Variants in NOTCH2NLC observed in about 807,000 individuals in gnomAD.
The protein encoded by NOTCH2NLC is notch 2 N-terminal like C.
A neutral mutation model predicts 17.7 loss-of-function variants in NOTCH2NLC; 4 were observed. The ratio of observed to expected loss-of-function variants is 0.23; its 90% confidence interval spans 0.11 to 0.52. NOTCH2NLC has a LOEUF of 0.52. NOTCH2NLC is among the 20% of genes least tolerant of loss of function. The probability of loss-of-function intolerance (pLI) is 0.96; values close to 1 mark genes in which losing one functional copy is unlikely to be tolerated. For missense variants in NOTCH2NLC, 57 were observed against 207.2 expected, an observed-to-expected ratio of 0.28 and a Z score of 4.45; for synonymous variants, 18 against 86.0, an observed-to-expected ratio of 0.21 and a Z score of 4.38.
intron 3 of NOTCH2NLC, among the ~76,000 whole-genome samples, chr1:149,462,388 G>A (rs1263377137): frequency 7.5e-4 from 101 of 133,782 alleles, no homozygotes; most frequent in African/African-American, 2.6e-3. Flanking sequence ...GAATACCTTC[G>A]AGACCTCTGT....
rs2084674408 is a variant in NOTCH2NLC at position 149,464,674 on chromosome 1, T to C, written c.*521T>C. 6.7e-6 allele frequency: 1 copy of C among 149,290 alleles called. No homozygotes were observed. The highest frequency in any genetic ancestry group is 1.5e-5 in the Non-Finnish European group (1 of 67,258). The allele number at this position is 149,290 out of a possible 1,614,324, so 9.2% of individuals were successfully genotyped here. On this transcript the variant is annotated 3_prime_UTR_variant, in exon 5 of 5. Transcript: ENST00000650865. ...ATGAGGAGGCTGAAAACCAAGAATT[T>C]TGATTGGGAACAGAATACAAGCAGC...
chr1:149,443,654 C>G lies in NOTCH2NLC; in HGVS notation c.210-11664C>G, dbSNP rs1411759365. 2.0e-5 allele frequency among the ~76,000 whole-genome samples: 3 copies of G among 150,050 alleles called. 1 individual carries two copies. The East Asian group carries it at 5.9e-4, about 30-fold the overall frequency. On this transcript the variant is annotated intron_variant, in intron 2 of 4. Transcript: ENST00000650865. ...AAAGCATTTTGGGCTGACTGAACAGCGTGTACAGAGGTCTGGAAGTGAGAA... is the reference window on the plus strand; with the variant it reads ...AAAGCATTTTGGGCTGACTGAACAGGGTGTACAGAGGTCTGGAAGTGAGAA...
rs1176135315 is a variant in NOTCH2NLC, at chr1:149,400,139, AT to A, written c.135+9227del. On this transcript the variant is annotated intron_variant, in intron 1 of 4. Transcript: ENST00000650865. ...ATATATATATATATATATAATATAT[AT>A]TTTTTTTTTAGTTTATGAACAGATC... 4.8e-3 allele frequency among the ~76,000 whole-genome samples: 637 copies of A among 131,946 alleles called. 27 individuals are homozygous for A. The highest frequency in any genetic ancestry group is 0.015 in the African/African-American group (515 of 35,326). 86.6% of individuals were successfully genotyped at this position (131,946 alleles called of 152,430 possible).
intron 1 of NOTCH2NLC, among the ~76,000 whole-genome samples, chr1:149,408,516 T>C (rs2084281868): frequency 6.7e-6 from 1 of 148,494 alleles, no homozygotes; most frequent in Non-Finnish European, 1.5e-5. Flanking sequence ...AATGAGGAAA[T>C]AGAAAATGTT....
rs1237905724 is a variant in NOTCH2NLC at position 149,468,673 on chromosome 1, T to A, written c.*4520T>A. On this transcript the variant is annotated 3_prime_UTR_variant, in exon 5 of 5. Transcript: ENST00000650865. The stretch of plus-strand genomic sequence containing the variant: ...ATATTCTACAATTTTTTAAATGTAC[T>A]GAAATTATTCTTTTTGAATCCTCCT... 1.4e-5 allele frequency among the ~76,000 whole-genome samples: 2 copies of A among 140,880 alleles called. No individual in the cohort carries two copies. Among genetic ancestry groups the A allele is most frequent in the Admixed American group, 1.5e-4 (2 of 13,710 alleles). The allele number at this position is 140,880 out of a possible 152,430, so 92.4% of individuals were successfully genotyped here.
chr1:149,402,324 A>C (rs1226615689), intron 1 of NOTCH2NLC, among the ~76,000 whole-genome samples: 4 of 150,682 alleles, frequency 2.7e-5, no homozygotes, highest in Non-Finnish European at 4.4e-5. Context: ...CAGGTGATCC[A>C]CCCACCTCAG....
At chr1:149,448,865 C>T (rs1349663212) in intron 2 of NOTCH2NLC, among the ~76,000 whole-genome samples, 19 of 144,168 alleles carry the variant, frequency 1.3e-4, no homozygotes, top group African/African-American at 4.8e-4. Flanking sequence ...CCTGCCTCTT[C>T]CATCTACTAG....
chr1:149,410,373 G>T (rs2084292206), intron 1 of NOTCH2NLC, among the ~76,000 whole-genome samples: 2 of 149,706 alleles, frequency 1.3e-5, no homozygotes, highest in East Asian at 2.0e-4. Flanking sequence ...AAAACAGTGT[G>T]TTTTTTTCTA....
At chr1:149,423,441 G>A (rs1158611476) in intron 1 of NOTCH2NLC, among the ~76,000 whole-genome samples, 1 of 150,660 alleles carries the variant, frequency 6.6e-6, no homozygotes, top group Non-Finnish European at 1.5e-5. Flanking sequence ...TGAAATTGCA[G>A]GGCGCTATGA....
chr1:149,402,029 T>G (rs1485127671), intron 1 of NOTCH2NLC, among the ~76,000 whole-genome samples: 2 of 144,856 alleles, frequency 1.4e-5, no homozygotes, highest in African/African-American at 5.1e-5. Context: ...TATACATTGT[T>G]TACCCCTACA....
Position 149,390,827 on chromosome 1 carries a change from G to A in NOTCH2NLC, c.40G>A (p.Gly14Ser). The A allele has an allele frequency of 7.5e-7, 1 of 1,334,726 alleles. No individual in the cohort carries two copies. The highest frequency in any genetic ancestry group is 9.6e-7 in the Non-Finnish European group (1 of 1,044,810). The allele number at this position is 1,334,726 out of a possible 1,614,324, so 82.7% of individuals were successfully genotyped here. The change falls in exon 1 of 5, where the codon GGC becomes AGC. Residue 14 changes from glycine to serine, a missense_variant. This residue lies in a region of NOTCH2NLC where 2 missense variants were observed against 24.0 expected (regional missense o/e 0.08). Transcript: ENST00000650865. ...AGGCGGCGGCGGCGGCGGCGGCGGC[G>A]GCGGAGGAGGCGGCGACCGAGAAGA... is the stretch of plus-strand genomic sequence containing the variant. ...CPGGGGGGGG[G>S]GGGGDREDAR...
intron 2 of NOTCH2NLC, among the ~76,000 whole-genome samples, chr1:149,450,017 TTATC>T (rs1170966507): frequency 6.9e-6 from 1 of 145,698 alleles, no homozygotes; most frequent in Non-Finnish European, 1.5e-5. Context: ...CACATTTTAT[TTATC>T]TGTTCATCAG....
chr1:149,419,818 T>TA (rs1158356306), intron 1 of NOTCH2NLC, among the ~76,000 whole-genome samples: 1 of 137,630 alleles, frequency 7.3e-6, no homozygotes, highest in Non-Finnish European at 1.6e-5. Flanking sequence ...GAGAATAAAA[T>TA]AAATAAAAAT....
In NOTCH2NLC at chr1:149,471,353, G is replaced by T. The variant is rs1356042445; in HGVS notation, c.*7200G>T. On this transcript the variant is annotated 3_prime_UTR_variant, in exon 5 of 5. Coordinates refer to ENST00000650865, the MANE Select transcript of NOTCH2NLC (RefSeq NM_001364013.2). ...TGGAATACAATTTATTTTTTCTTTT[G>T]TTGCTTGTGCTTTCAGTCATATTTG... is the stretch of plus-strand genomic sequence containing the variant. 1.3e-5 allele frequency among the ~76,000 whole-genome samples: 2 copies of T among 148,478 alleles called. No homozygotes were observed. The highest frequency in any genetic ancestry group is 1.5e-5 in the Non-Finnish European group (1 of 66,934).
At chr1:149,462,833 ATTTTTTTTTTT>A (rs878889477) in intron 3 of NOTCH2NLC, among the ~76,000 whole-genome samples, 1 of 117,092 alleles carries the variant, frequency 8.5e-6, no homozygotes, top group African/African-American at 3.2e-5. Context: ...CGGGAAGTTG[ATTTTTTTTTTT>A]TTTTTTTTTG....
At chr1:149,436,782 G>C (rs1386788845) in intron 2 of NOTCH2NLC, among the ~76,000 whole-genome samples, 1 of 146,156 alleles carries the variant, frequency 6.8e-6, no homozygotes, top group African/African-American at 2.5e-5. Context: ...GCTGAACATT[G>C]TGTATATAGT....
chr1:149,401,050 G>A (rs1454246385), intron 1 of NOTCH2NLC, among the ~76,000 whole-genome samples: 1 of 150,496 alleles, frequency 6.6e-6, no homozygotes, highest in South Asian at 2.1e-4. Flanking sequence ...CCATTCCTCC[G>A]TCCAGCCTCT....
intron 1 of NOTCH2NLC, among the ~76,000 whole-genome samples, chr1:149,396,188 GCTAT>G (rs2084207609): frequency 7.3e-6 from 1 of 136,154 alleles, no homozygotes; most frequent in Non-Finnish European, 1.6e-5. Context: ...GACTTTTTTT[GCTAT>G]CTCTTTTAAT....
At chr1:149,454,388 G>A (rs1223316704) in intron 2 of NOTCH2NLC, among the ~76,000 whole-genome samples, 4 of 102,720 alleles carry the variant, frequency 3.9e-5, no homozygotes, top group Admixed American at 3.3e-4. Flanking sequence ...TTATGAAAAT[G>A]GAGACTTACC....
Sources: gnomAD v4.1 joint callset for allele counts (sites outside exome capture counted in the v4.1 genomes callset) on GRCh38, gnomAD v4.1.1 for gene constraint, gnomAD v4.1.1 regional missense constraint, MANE v1.5 for transcripts, NCBI Gene and HGNC (gene_info 2026-07-23, HGNC 2026-07-21) for gene names.